The following ATP1A3 variants were observed in gnomAD, a reference collection of about 807,000 sequenced individuals.
The protein encoded by ATP1A3 is ATPase Na+/K+ transporting subunit alpha 3.
Under a neutral mutation model 108.8 loss-of-function variants are expected in ATP1A3, and 12 were observed. That is an observed-to-expected ratio of 0.11 (90% CI 0.07 to 0.18). The LOEUF is 0.18. Ranked by LOEUF, ATP1A3 falls within the 10% of genes least tolerant of loss-of-function variation. ATP1A3 has a pLI of 1.00. For synonymous variants in ATP1A3, 539 were observed against 564.5 expected (o/e 0.95, Z 0.64); for missense variants, 498 against 1,387.7 (o/e 0.36, Z 10.19).
intron 8 of ATP1A3, among the ~76,000 whole-genome samples, chr19:41,983,984 A>G (rs376748237): frequency 6.6e-6 from 1 of 151,660 alleles, no homozygotes; most frequent in East Asian, 1.9e-4. Context: ...CATGTTGGCC[A>G]GTCTGGTCTC....
At chr19:41,972,863 A>C (rs1268352271) in intron 16 of ATP1A3, among the ~76,000 whole-genome samples, 1 of 131,830 alleles carries the variant, frequency 7.6e-6, no homozygotes, top group African/African-American at 3.1e-5. Flanking sequence ...GGAAGGAAAG[A>C]AGGAAGGAAG....
At chr19:41,974,079 A>G (rs1463646431) in intron 16 of ATP1A3, among the ~76,000 whole-genome samples, 1 of 152,116 alleles carries the variant, frequency 6.6e-6, no homozygotes, top group African/African-American at 2.4e-5. Context: ...AAAAATACAA[A>G]AATTAGCCTG....
intron 16 of ATP1A3, 129 bp from the exon 17 acceptor site, chr19:41,970,671 G>T (rs1246659971): frequency 7.0e-6 from 8 of 1,137,252 alleles, no homozygotes; most frequent in South Asian, 1.6e-5. Flanking sequence ...TCGCTGTGTT[G>T]CCCAGGCTGG....
At position 41,986,146 on chromosome 19, in the gene ATP1A3, G is replaced by A. The variant is rs2075284524; in HGVS notation, c.441C>T (p.Ile147=). ...SYYQEAKSSK[I]MESFKNMVPQ... ...GCACCATGTTCTTGAAGGACTCCAT[G>A]ATCTTGGAGCTCTTGGCCTCCTGGT... The change falls in exon 5 of 23, where the codon ATC becomes ATT. Residue 147 remains isoleucine, a synonymous_variant. Coordinates refer to ENST00000648268, the MANE Select transcript of ATP1A3 (RefSeq NM_152296.5). 6.2e-7 allele frequency: 1 copy of A among 1,614,164 alleles called. No individual in the cohort carries two copies. Among genetic ancestry groups the A allele is most frequent in the East Asian group, 2.2e-5 (1 of 44,884 alleles).
In ATP1A3 at chr19:41,967,632, G is replaced by C. The variant is rs782159890; in HGVS notation, c.2921+30C>G. Reference sequence around the variant, plus strand: ...AAGGCTCCATGGCAGGCGCTGGTGTGGGCAGGGCTGGGGGCAGCGGGGCAC... The same window carrying C: ...AAGGCTCCATGGCAGGCGCTGGTGTCGGCAGGGCTGGGGGCAGCGGGGCAC... On this transcript the variant is annotated intron_variant, in intron 21 of 22. Coordinates refer to ENST00000648268, the MANE Select transcript of ATP1A3 (RefSeq NM_152296.5). The surrounding 1 kb of genome is among the most constrained non-coding windows in gnomAD (Gnocchi z 4.2). 2 of 1,608,090 alleles carry C rather than the reference G, an allele frequency of 1.2e-6. No homozygotes were observed. Among genetic ancestry groups the C allele is most frequent in the Non-Finnish European group, 1.7e-6 (2 of 1,175,718 alleles).
At chr19:41,976,737 A>T (rs1418993907) in intron 14 of ATP1A3, among the ~76,000 whole-genome samples, 171 bp from the exon 15 acceptor site, 1 of 152,112 alleles carries the variant, frequency 6.6e-6, no homozygotes, top group Non-Finnish European at 1.5e-5. Flanking sequence ...GGGCTACTGC[A>T]GCAGGGCGTG....
rs782555113 is a variant in ATP1A3, at chr19:41,968,782, C to T, written c.2819+3G>A. On this transcript the variant is annotated splice_donor_region_variant and intron_variant, in intron 20 of 22. Coordinates refer to ENST00000648268, the MANE Select transcript of ATP1A3 (RefSeq NM_152296.5). The surrounding 1 kb of genome is among the most constrained non-coding windows in gnomAD (Gnocchi z 5.0). ...CCAGTCACCATGTGCCCCCGGCCCTCACTTCATGCCCTGCTGGAAGACCGA... is the reference window on the plus strand; with the variant it reads ...CCAGTCACCATGTGCCCCCGGCCCTTACTTCATGCCCTGCTGGAAGACCGA... The T allele has an allele frequency of 5.6e-6, 9 of 1,614,000 alleles. No individual in the cohort carries two copies. In the East Asian group the frequency reaches 1.6e-4, roughly 28 times the overall value.
chr19:41,993,960 G>C, intron 1 of ATP1A3, 111 bp downstream of exon 1: 1 of 1,549,966 alleles, frequency 6.5e-7, no homozygotes, highest in Non-Finnish European at 8.7e-7. Flanking sequence ...GGGTCTCGCA[G>C]GCCTGGCCCC....
rs569083786 is a variant in ATP1A3 at position 41,967,614 on chromosome 19, C to A, written c.2921+48G>T. The A allele has an allele frequency of 5.0e-6, 8 of 1,590,682 alleles. No individual in the cohort carries two copies. The South Asian group carries it at 8.9e-5, about 18-fold the overall frequency. ...TCAGGCTGAGTCTAAGGGAAGGCTCCATGGCAGGCGCTGGTGTGGGCAGGG... is the reference window on the plus strand; with the variant it reads ...TCAGGCTGAGTCTAAGGGAAGGCTCAATGGCAGGCGCTGGTGTGGGCAGGG... On this transcript the variant is annotated intron_variant, in intron 21 of 22. Transcript: ENST00000648268. This position sits in a 1 kb window ranked among gnomAD's most constrained non-coding sequence, Gnocchi z 4.2.
chr19:41,994,129 C>G lies in ATP1A3; in HGVS notation c.-53G>C. On this transcript the variant is annotated 5_prime_UTR_variant, in exon 1 of 23. Transcript: ENST00000648268. The stretch of plus-strand genomic sequence containing the variant: ...GGCGGGCGGGGCGGGGACCTCGGGG[C>G]GGGCTCAGGCTCAGGCTTGGGCTGG... The G allele has an allele frequency of 6.5e-7, 1 of 1,532,178 alleles. No individual in the cohort carries two copies. Among genetic ancestry groups the G allele is most frequent in the South Asian group, 1.2e-5 (1 of 83,120 alleles). The allele number at this position is 1,532,178 out of a possible 1,614,324, so 94.9% of individuals were successfully genotyped here.
At chr19:41,992,369 T>C (rs969815114) in intron 1 of ATP1A3, among the ~76,000 whole-genome samples, 10 of 151,990 alleles carry the variant, frequency 6.6e-5, no homozygotes, top group African/African-American at 2.4e-4. Context: ...CCTCCAAGGG[T>C]GGGGACCATG....
intron 4 of ATP1A3, among the ~76,000 whole-genome samples, chr19:41,986,924 T>A (rs985194960): frequency 1.3e-5 from 2 of 151,902 alleles, no homozygotes; most frequent in African/African-American, 4.8e-5. Context: ...TGTGTTTTTT[T>A]AGAGGCTGGG....
chr19:41,974,100 A>G (rs1480928107), intron 16 of ATP1A3, among the ~76,000 whole-genome samples: 5 of 152,092 alleles, frequency 3.3e-5, no homozygotes, highest in Admixed American at 6.6e-5. Flanking sequence ...GTGTGGTGGC[A>G]TGCACCTGTA....
chr19:41,980,188 C>A (rs896811344), intron 11 of ATP1A3, among the ~76,000 whole-genome samples: 8 of 152,244 alleles, frequency 5.3e-5, no homozygotes, highest in African/African-American at 1.9e-4. Flanking sequence ...CCTCCTCATG[C>A]CTTTGTTATT....
At chr19:41,983,234 C>T (rs1327620058) in intron 8 of ATP1A3, among the ~76,000 whole-genome samples, 1 of 151,924 alleles carries the variant, frequency 6.6e-6, no homozygotes, top group East Asian at 1.9e-4. Context: ...CCCACCATCA[C>T]GCCTGGCTAA....
chr19:41,976,346 C>A (rs1465953336), intron 15 of ATP1A3, 70 bp downstream of exon 15: 1 of 1,598,914 alleles, frequency 6.3e-7, no homozygotes, highest in East Asian at 2.2e-5. Context: ...ACCCAGGAAA[C>A]CAGGCCCCGG....
In ATP1A3 at chr19:41,981,880, A is replaced by C. The variant is rs2075235692; in HGVS notation, c.1192+28T>G. On this transcript the variant is annotated intron_variant, in intron 9 of 22. Transcript: ENST00000648268. The surrounding 1 kb of genome is among the most constrained non-coding windows in gnomAD (Gnocchi z 5.0). ...CAGGGACTCCTGGAGCCAGGCCCCC[A>C]TGGTCCTCACCCGGGGCCTGCGCTC... 6.2e-7 allele frequency: 1 copy of C among 1,614,078 alleles called. No homozygotes were observed. The highest frequency in any genetic ancestry group is 8.5e-7 in the Non-Finnish European group (1 of 1,180,040).
At position 41,966,917 on chromosome 19, in the gene ATP1A3, G is replaced by A. The variant is rs782724121; in HGVS notation, c.*20C>T. ...GGCCTGGGGGACGGGGAAGAGATGG[G>A]CGATGTGGTGGGGCTGAGGTCAGTA... On this transcript the variant is annotated 3_prime_UTR_variant, in exon 23 of 23. Transcript: ENST00000648268. 6.4e-7 allele frequency: 1 copy of A among 1,551,498 alleles called. No homozygotes were observed. Among genetic ancestry groups the A allele is most frequent in the Non-Finnish European group, 8.7e-7 (1 of 1,147,004 alleles).
chr19:41,991,439 C>T (rs1336828274), intron 1 of ATP1A3, among the ~76,000 whole-genome samples: 6 of 152,254 alleles, frequency 3.9e-5, no homozygotes, highest in South Asian at 2.1e-4. Flanking sequence ...GCTTGGGGGA[C>T]GGGGAGACCA....
Sources: gnomAD v4.1 joint callset for allele counts (sites outside exome capture counted in the v4.1 genomes callset) on GRCh38, gnomAD v4.1.1 for gene constraint, Gnocchi (gnomAD v3.1) non-coding constraint, MANE v1.5 for transcripts, NCBI Gene and HGNC (gene_info 2026-07-23, HGNC 2026-07-21) for gene names.